Variants in ARK2C observed in about 807,000 individuals in gnomAD.
The protein encoded by ARK2C is E3 ubiquitin-protein ligase ARK2C.
the ARK2C span, among the ~76,000 whole-genome samples, chr18:46,433,803 A>C: frequency 2.0e-5 from 3 of 152,234 alleles, no homozygotes; most frequent in Non-Finnish European, 2.9e-5. Flanking sequence ...ACCCAGGTGC[A>C]GGGTCGGGGA....
the ARK2C span, among the ~76,000 whole-genome samples, chr18:46,426,124 G>A: frequency 6.6e-6 from 1 of 152,048 alleles, no homozygotes; most frequent in East Asian, 1.9e-4. Context: ...ATGACTTTGG[G>A]GTGACACCAA....
At chr18:46,382,097 C>A in the ARK2C span, among the ~76,000 whole-genome samples, 1 of 152,174 alleles carries the variant, frequency 6.6e-6, no homozygotes, top group Non-Finnish European at 1.5e-5. Context: ...GCCAGGTTGG[C>A]TTTGGGGGCT....
the ARK2C span, among the ~76,000 whole-genome samples, chr18:46,397,697 G>A: frequency 5.7e-5 from 8 of 141,292 alleles, no homozygotes; most frequent in Non-Finnish European, 1.1e-4. Flanking sequence ...GTTATGCTGG[G>A]GTGTGAGGGT....
chr18:46,423,980 T>C, the ARK2C span, among the ~76,000 whole-genome samples: 1 of 152,240 alleles, frequency 6.6e-6, no homozygotes, highest in Admixed American at 6.5e-5. Flanking sequence ...TCCTCCTGTC[T>C]CAGAATATCT....
chr18:46,417,563 G>T, the ARK2C span, among the ~76,000 whole-genome samples: 1 of 152,190 alleles, frequency 6.6e-6, no homozygotes. Flanking sequence ...TCTCAGTGAA[G>T]GTTCTCTTGG....
At chr18:46,452,010 A>C in the ARK2C span, among the ~76,000 whole-genome samples, 1 of 152,214 alleles carries the variant, frequency 6.6e-6, no homozygotes, top group Non-Finnish European at 1.5e-5. Flanking sequence ...GGGAGGAATG[A>C]ATGGGTGGAG....
the ARK2C span, among the ~76,000 whole-genome samples, chr18:46,399,073 T>C: frequency 2.0e-5 from 3 of 152,122 alleles, no homozygotes; most frequent in African/African-American, 7.2e-5. Context: ...GGAGAAACTG[T>C]CGTTTTTCTA....
chr18:46,456,464 C>G, the ARK2C span: 1 of 1,293,804 alleles, frequency 7.7e-7, no homozygotes. Flanking sequence ...GTCCCTGCTC[C>G]GCTCAGTGTC....
At chr18:46,382,595 TCA>T in the ARK2C span, among the ~76,000 whole-genome samples, 11 of 152,230 alleles carry the variant, frequency 7.2e-5, no homozygotes, top group Non-Finnish European at 1.3e-4. Context: ...CTCAGCAGGC[TCA>T]GTTAGCCTTG....
At chr18:46,366,742 T>C in the ARK2C span, among the ~76,000 whole-genome samples, 2 of 152,200 alleles carry the variant, frequency 1.3e-5, no homozygotes, top group Admixed American at 1.3e-4. Flanking sequence ...ACCTTCCTAG[T>C]CCTGAGATTA....
At chr18:46,392,122 A>C in the ARK2C span, among the ~76,000 whole-genome samples, 1 of 152,026 alleles carries the variant, frequency 6.6e-6, no homozygotes, top group East Asian at 1.9e-4. Flanking sequence ...TGTGCCCAGC[A>C]CACACAATAT....
chr18:46,379,250 C>T, the ARK2C span, among the ~76,000 whole-genome samples: 6 of 152,238 alleles, frequency 3.9e-5, no homozygotes, highest in African/African-American at 2.4e-5. Context: ...TGGGGTGCAT[C>T]TAGTCCACAG....
the ARK2C span, among the ~76,000 whole-genome samples, chr18:46,375,374 C>T: frequency 1.3e-5 from 2 of 151,944 alleles, no homozygotes; most frequent in East Asian, 3.9e-4. Flanking sequence ...GCAACATGGG[C>T]AAAACCCTGT....
the ARK2C span, among the ~76,000 whole-genome samples, chr18:46,453,161 G>A: frequency 2.6e-5 from 4 of 152,296 alleles, no homozygotes; most frequent in South Asian, 2.1e-4. Flanking sequence ...GATTTCAACC[G>A]CAGTTATTGA....
the ARK2C span, among the ~76,000 whole-genome samples, chr18:46,407,955 A>G: frequency 6.6e-6 from 1 of 152,238 alleles, no homozygotes; most frequent in Non-Finnish European, 1.5e-5. Flanking sequence ...AGAGGTGGTC[A>G]GGGAAGCCTT....
chr18:46,397,436 A>G, the ARK2C span, among the ~76,000 whole-genome samples: 1 of 126,494 alleles, frequency 7.9e-6, no homozygotes, highest in African/African-American at 3.1e-5. Flanking sequence ...GTGTGTGGTC[A>G]TGCTGAGGTG....
the ARK2C span, among the ~76,000 whole-genome samples, chr18:46,393,417 G>C: frequency 6.6e-6 from 1 of 152,174 alleles, no homozygotes; most frequent in Non-Finnish European, 1.5e-5. Context: ...CAGGCCTGAG[G>C]GCAGACGCCA....
the ARK2C span, chr18:46,458,608 CT>C: frequency 3.9e-4 from 59 of 152,444 alleles, no homozygotes; most frequent in African/African-American, 1.4e-3. Flanking sequence ...CAGATTTTGG[CT>C]TGAGGAAGAG....
chr18:46,350,492 C>T, the ARK2C span, among the ~76,000 whole-genome samples: 5 of 152,106 alleles, frequency 3.3e-5, no homozygotes, highest in African/African-American at 4.8e-5. Context: ...GGGGGTCACA[C>T]GAGGGGTGTC....
Sources: gnomAD v4.1 joint callset for allele counts (sites outside exome capture counted in the v4.1 genomes callset) on GRCh38, gnomAD v4.1.1 for gene constraint, MANE v1.5 for transcripts, NCBI Gene and HGNC (gene_info 2026-07-23, HGNC 2026-07-21) for gene names.